VAV3: variants seen among roughly 807,000 people sequenced by gnomAD.
VAV3 encodes the protein guanine nucleotide exchange factor VAV3.
A neutral mutation model predicts 131.2 loss-of-function variants in VAV3; 94 were observed. That is an observed-to-expected ratio of 0.72 (90% CI 0.61 to 0.85). The LOEUF is 0.85. Ranked by LOEUF, VAV3 falls within the 40% of genes least tolerant of loss-of-function variation. VAV3 has a pLI of 0.00. For synonymous variants in VAV3, 349 were observed against 342.0 expected, an observed-to-expected ratio of 1.02 and a Z score of -0.22; for missense variants, 939 against 1,002.7, an observed-to-expected ratio of 0.94 and a Z score of 0.86.
intron 2 of VAV3, among the ~76,000 whole-genome samples, chr1:107,796,010 G>A (rs1228666862): frequency 1.3e-5 from 2 of 152,070 alleles, no homozygotes; most frequent in Non-Finnish European, 2.9e-5. Flanking sequence ...GCTCAAGAGT[G>A]GGGTGACTGA....
intron 17 of VAV3, among the ~76,000 whole-genome samples, chr1:107,699,160 G>A (rs577757770): frequency 9.2e-5 from 14 of 152,300 alleles, no homozygotes; most frequent in South Asian, 6.2e-4. Context: ...CTGAGACAAG[G>A]CAAGTCCCTT....
rs1665936590 is a variant in VAV3, at chr1:107,785,562, C to A, written c.322-6070G>T. ...AGGGGTCCACGGCATCACACCCCTA[C>A]AACATTAGGTTGCTATCTAGCAGCA... On this transcript the variant is annotated intron_variant, in intron 2 of 26. Coordinates refer to ENST00000370056, the MANE Select transcript of VAV3 (RefSeq NM_006113.5). The A allele has an allele frequency of 2.4e-6, 3 of 1,238,266 alleles. No individual in the cohort carries two copies. The Admixed American group carries it at 1.1e-4, about 47-fold the overall frequency. 76.7% of individuals were successfully genotyped at this position (1,238,266 alleles called of 1,614,324 possible).
At chr1:107,597,048 ATC>A (rs1651450531) in intron 24 of VAV3, among the ~76,000 whole-genome samples, 1 of 152,194 alleles carries the variant, frequency 6.6e-6, no homozygotes, top group Non-Finnish European at 1.5e-5. Context: ...AGAAATCTGA[ATC>A]TCTCTACTGT....
intron 19 of VAV3, among the ~76,000 whole-genome samples, chr1:107,651,896 C>G (rs1385783033): frequency 6.6e-6 from 1 of 152,116 alleles, no homozygotes; most frequent in Non-Finnish European, 1.5e-5. Context: ...CCTGATAACT[C>G]TCCAGTTTCA....
chr1:107,953,503 T>C (rs552491473), intron 1 of VAV3, among the ~76,000 whole-genome samples: 2 of 152,352 alleles, frequency 1.3e-5, no homozygotes, highest in Admixed American at 1.3e-4. Flanking sequence ...TGATCCCTGA[T>C]CATGAAACCA....
At chr1:107,862,109 C>G (rs1382616422) in intron 2 of VAV3, among the ~76,000 whole-genome samples, 1 of 151,590 alleles carries the variant, frequency 6.6e-6, no homozygotes, top group African/African-American at 2.4e-5. Context: ...CCATATTCAA[C>G]TAATATTTCT....
chr1:107,794,444 T>C (rs969121796), intron 2 of VAV3, among the ~76,000 whole-genome samples: 1 of 152,254 alleles, frequency 6.6e-6, no homozygotes, highest in Non-Finnish European at 1.5e-5. Context: ...ATACATTAAA[T>C]TTAATCAGCT....
intron 2 of VAV3, among the ~76,000 whole-genome samples, chr1:107,850,799 G>T (rs1669182944): frequency 6.6e-6 from 1 of 151,822 alleles, no homozygotes; most frequent in Non-Finnish European, 1.5e-5. Context: ...TATTTTTAAG[G>T]TTTCTCTTCC....
intron 2 of VAV3, 66 bp from the exon 3 acceptor site, chr1:107,779,558 A>T (rs1665570103): frequency 3.0e-6 from 4 of 1,349,042 alleles, no homozygotes; most frequent in Admixed American, 2.6e-5. Flanking sequence ...TTTTTCCAAA[A>T]TTTTTTCAAT....
chr1:107,799,563 A>C (rs569031733), intron 2 of VAV3, among the ~76,000 whole-genome samples: 7 of 152,134 alleles, frequency 4.6e-5, no homozygotes, highest in Non-Finnish European at 8.8e-5. Flanking sequence ...AAAAATTTTT[A>C]TTGATGTATA....
chr1:107,904,457 C>G (rs1481918702), intron 1 of VAV3, among the ~76,000 whole-genome samples: 1 of 152,226 alleles, frequency 6.6e-6, no homozygotes, highest in Non-Finnish European at 1.5e-5. Flanking sequence ...ACTGCCAAAT[C>G]TGATGACTGA....
intron 2 of VAV3, among the ~76,000 whole-genome samples, chr1:107,820,144 A>C (rs1216426542): frequency 6.6e-6 from 1 of 152,196 alleles, no homozygotes; most frequent in Non-Finnish European, 1.5e-5. Context: ...TATATCAAAG[A>C]GATATCTGCA....
intron 15 of VAV3, among the ~76,000 whole-genome samples, chr1:107,719,180 T>C (rs1049858845): frequency 1.3e-5 from 2 of 152,088 alleles, no homozygotes; most frequent in Non-Finnish European, 2.9e-5. Context: ...CCAAAAGCAA[T>C]GGTAACAGAA....
intron 19 of VAV3, among the ~76,000 whole-genome samples, chr1:107,667,299 G>A (rs931788520): frequency 6.6e-6 from 1 of 152,164 alleles, no homozygotes; most frequent in Non-Finnish European, 1.5e-5. Flanking sequence ...AACACCCCCA[G>A]TAACAAAGGA....
intron 2 of VAV3, among the ~76,000 whole-genome samples, chr1:107,788,143 A>G (rs1172448879): frequency 1.3e-5 from 2 of 152,060 alleles, no homozygotes; most frequent in East Asian, 1.9e-4. Context: ...ATAGCTTCCA[A>G]TATGTCTCCA....
intron 19 of VAV3, among the ~76,000 whole-genome samples, chr1:107,652,226 A>G (rs71655927): frequency 4.6e-5 from 7 of 152,144 alleles, no homozygotes; most frequent in African/African-American, 7.2e-5. Context: ...CCTAGTCCTC[A>G]CTGCTACACT....
At chr1:107,626,344 A>C (rs1188177629) in intron 20 of VAV3, among the ~76,000 whole-genome samples, 1 of 152,146 alleles carries the variant, frequency 6.6e-6, no homozygotes, top group Non-Finnish European at 1.5e-5. Flanking sequence ...TTCTATAATC[A>C]TCTCTCCCAA....
chr1:107,960,932 C>T (rs1675052858), intron 1 of VAV3, among the ~76,000 whole-genome samples: 1 of 150,920 alleles, frequency 6.6e-6, no homozygotes, highest in African/African-American at 2.4e-5. Context: ...TAATTATATA[C>T]AATAAATTGT....
At chr1:107,697,474 A>C (rs938859702) in intron 17 of VAV3, among the ~76,000 whole-genome samples, 21 of 152,208 alleles carry the variant, frequency 1.4e-4, no homozygotes, top group Non-Finnish European at 2.8e-4. Flanking sequence ...AGAGCAAGAG[A>C]GTATGTTACA....
Sources: allele counts gnomAD v4.1 joint callset (sites outside exome capture counted in the v4.1 genomes callset), GRCh38; gene constraint gnomAD v4.1.1; transcripts MANE v1.5; gene names NCBI Gene and HGNC (gene_info 2026-07-23, HGNC 2026-07-21).